RBFOX1: variants seen among roughly 807,000 people sequenced by gnomAD.
RBFOX1 encodes RNA binding protein fox-1 homolog 1.
RBFOX1 carries 8 observed loss-of-function variants against 57.7 expected under a neutral mutation model. The observed-to-expected ratio is 0.14, with a 90% CI of 0.08 to 0.25. RBFOX1 has a LOEUF of 0.25. Among genes scored for constraint, RBFOX1 ranks in the 10% least tolerant of loss-of-function variants. RBFOX1 has a pLI of 1.00. For synonymous variants in RBFOX1, 326 were observed against 222.4 expected, an observed-to-expected ratio of 1.47 and a Z score of -4.15; for missense variants, 611 against 548.5, an observed-to-expected ratio of 1.11 and a Z score of -1.14.
chr16:6,527,439 G>C (rs1026220073), intron 2 of RBFOX1, among the ~76,000 whole-genome samples: 1 of 151,994 alleles, frequency 6.6e-6, no homozygotes, highest in Non-Finnish European at 1.5e-5. Context: ...TGGGGCTTGG[G>C]GGTGTCTATG....
At chr16:6,096,030 A>T (rs543921722) in intron 1 of RBFOX1, among the ~76,000 whole-genome samples, 176 of 152,332 alleles carry the variant, frequency 1.2e-3, no homozygotes, top group Admixed American at 3.9e-3. Flanking sequence ...GTTTAAGACG[A>T]TGGAGATACA....
chr16:7,201,424 C>G (rs530772454), intron 4 of RBFOX1, among the ~76,000 whole-genome samples: 21 of 150,966 alleles, frequency 1.4e-4, no homozygotes, highest in Non-Finnish European at 2.4e-4. Flanking sequence ...TTAGTTTGAT[C>G]TAGGCAAGAG....
At chr16:6,417,807 C>T (rs1018730180) in intron 2 of RBFOX1, among the ~76,000 whole-genome samples, 1 of 151,426 alleles carries the variant, frequency 6.6e-6, no homozygotes, top group Admixed American at 6.6e-5. Context: ...ATTTCATCAC[C>T]CAGATATTAA....
intron 1 of RBFOX1, among the ~76,000 whole-genome samples, chr16:6,126,702 C>CT (rs1163491037): frequency 2.0e-5 from 3 of 151,972 alleles, no homozygotes; most frequent in Non-Finnish European, 2.9e-5. Flanking sequence ...AGGTTTTGTT[C>CT]TTTTTTTACA....
At chr16:7,386,923 A>G (rs1470042161) in intron 4 of RBFOX1, among the ~76,000 whole-genome samples, 1 of 152,120 alleles carries the variant, frequency 6.6e-6, no homozygotes, top group African/African-American at 2.4e-5. Context: ...CTCCATTCTG[A>G]CTGCCATGAG....
chr16:5,422,932 GAGGGAGAGGGA>G (rs1483903764), intron 1 of RBFOX1, among the ~76,000 whole-genome samples: 1 of 130,050 alleles, frequency 7.7e-6, no homozygotes, highest in African/African-American at 3.0e-5. Flanking sequence ...GAAGGAGGAT[GAGGGAGAGGGA>G]AGGGGGAGGA....
chr16:6,798,206 C>A (rs1179089714), intron 3 of RBFOX1, among the ~76,000 whole-genome samples: 6 of 152,130 alleles, frequency 3.9e-5, no homozygotes, highest in Non-Finnish European at 7.4e-5. Context: ...CTAAGAGAAA[C>A]TGGAGGTGCC....
intron 1 of RBFOX1, among the ~76,000 whole-genome samples, chr16:5,414,283 G>A (rs542760233): frequency 2.0e-5 from 3 of 152,160 alleles, no homozygotes. Flanking sequence ...AAAAGCACAA[G>A]TCTCTCTCCC....
chr16:6,282,355 GT>G (rs151272388), intron 1 of RBFOX1, among the ~76,000 whole-genome samples: 18,518 of 124,746 alleles, frequency 0.15, 1,069 homozygotes, highest in Non-Finnish European at 0.19. Flanking sequence ...TACCTTGTCT[GT>G]TTTTTTTTTT....
At chr16:5,600,316 T>C (rs908788703), downstream of RBFOX1, among the ~76,000 whole-genome samples, 89 of 138,836 alleles carry the variant, frequency 6.4e-4, no homozygotes, top group African/African-American at 2.2e-3. Context: ...TAAAAAAAAA[T>C]AAAAAAAAAA....
chr16:7,475,171 T>C (rs2062389232), intron 4 of RBFOX1, among the ~76,000 whole-genome samples: 1 of 152,136 alleles, frequency 6.6e-6, no homozygotes, highest in Admixed American at 6.5e-5. Context: ...CTGTTCCTTT[T>C]ATTTTCTGTT....
intron 1 of RBFOX1, among the ~76,000 whole-genome samples, chr16:6,226,541 A>G (rs1471412975): frequency 6.6e-6 from 1 of 152,114 alleles, no homozygotes; most frequent in African/African-American, 2.4e-5. Context: ...CAAGGCACAG[A>G]CTTTCTGAAG....
At position 6,243,931 on chromosome 16, in the gene RBFOX1, C is replaced by T. The variant is rs117232538; in HGVS notation, c.-126-73064C>T. 9.2e-4 allele frequency among the ~76,000 whole-genome samples: 140 copies of T among 152,284 alleles called. 1 individual carries two copies. The highest frequency in any genetic ancestry group is 3.4e-3 in the Middle Eastern group (1 of 294). ...ACACTCATGTTGGATCTGTAAGACA[C>T]CCTTCAATGTTTAGTTGTATAAGCC... is the stretch of plus-strand genomic sequence containing the variant. On this transcript the variant is annotated intron_variant, in intron 1 of 15. Transcript: ENST00000550418.
At chr16:7,110,703 AGCCTG>A (rs1321133015) in intron 4 of RBFOX1, among the ~76,000 whole-genome samples, 1 of 152,194 alleles carries the variant, frequency 6.6e-6, no homozygotes, top group Non-Finnish European at 1.5e-5. Flanking sequence ...AACAAAATAC[AGCCTG>A]GCATTAATAG....
intron 2 of RBFOX1, among the ~76,000 whole-genome samples, chr16:6,474,740 C>T (rs1246313883): frequency 2.0e-5 from 3 of 152,138 alleles, no homozygotes; most frequent in Non-Finnish European, 4.4e-5. Context: ...CATACTGCTG[C>T]TGGGAATATG....
chr16:7,478,806 G>C (rs532313618), intron 4 of RBFOX1, among the ~76,000 whole-genome samples: 2 of 152,174 alleles, frequency 1.3e-5, no homozygotes, highest in Non-Finnish European at 2.9e-5. Flanking sequence ...ATCTAGTCTA[G>C]ATGCCAACAA....
intron 1 of RBFOX1, among the ~76,000 whole-genome samples, chr16:6,175,758 T>C (rs2097001502): frequency 6.6e-6 from 1 of 152,186 alleles, no homozygotes; most frequent in Non-Finnish European, 1.5e-5. Context: ...TACTGGTCTG[T>C]GGACTGCACT....
intron 4 of RBFOX1, among the ~76,000 whole-genome samples, chr16:5,905,194 A>G (rs750728820): frequency 6.7e-6 from 1 of 149,920 alleles, no homozygotes; most frequent in Non-Finnish European, 1.5e-5. Flanking sequence ...CAGCCTCACG[A>G]GTAGCTGGGA....
chr16:5,610,225 C>G (rs2047726588), intron 3 of RBFOX1: 2 of 152,286 alleles, frequency 1.3e-5, no homozygotes, highest in African/African-American at 2.4e-5. Context: ...GCACCTATGC[C>G]TGTGCCTGCA....
Sources: gnomAD v4.1 joint callset for allele counts (sites outside exome capture counted in the v4.1 genomes callset) on GRCh38, gnomAD v4.1.1 for gene constraint, MANE v1.5 for transcripts, NCBI Gene and HGNC (gene_info 2026-07-23, HGNC 2026-07-21) for gene names.